The following DLGAP1 variants were observed in gnomAD, a reference collection of about 807,000 sequenced individuals.
DLGAP1 encodes the protein disks large-associated protein 1.
DLGAP1 carries 11 observed loss-of-function variants against 90.8 expected under a neutral mutation model. The ratio of observed to expected loss-of-function variants is 0.12; its 90% CI spans 0.08 to 0.20. The LOEUF (loss-of-function observed/expected upper bound fraction) is 0.20. DLGAP1 is among the 10% of genes least tolerant of loss of function. The probability of loss-of-function intolerance (pLI) is 1.00; values close to 1 mark genes in which losing one functional copy is unlikely to be tolerated. For synonymous variants in DLGAP1, 558 were observed against 540.7 expected, an observed-to-expected ratio of 1.03 and a Z score of -0.44; for missense variants, 1,050 against 1,333.8, an observed-to-expected ratio of 0.79 and a Z score of 3.31.
At chr18:3,648,589 A>G (rs951059633) in intron 7 of DLGAP1, among the ~76,000 whole-genome samples, 21 of 152,240 alleles carry the variant, frequency 1.4e-4, no homozygotes, top group Admixed American at 6.5e-4. Flanking sequence ...CGGGCTTGAA[A>G]TACTAGAAGT....
intron 1 of DLGAP1, among the ~76,000 whole-genome samples, chr18:4,286,861 G>A (rs2079708027): frequency 6.6e-6 from 1 of 152,110 alleles, no homozygotes; most frequent in Non-Finnish European, 1.5e-5. Context: ...GGGGTTGAGG[G>A]CTGAAATACA....
At chr18:3,626,494 T>A (rs2058299376) in intron 7 of DLGAP1, among the ~76,000 whole-genome samples, 1 of 149,886 alleles carries the variant, frequency 6.7e-6, no homozygotes, top group South Asian at 2.1e-4. Context: ...CTCAGGAGGC[T>A]GAGGTGGGAG....
At chr18:3,696,927 G>A (rs1332852682) in intron 7 of DLGAP1, among the ~76,000 whole-genome samples, 3 of 152,108 alleles carry the variant, frequency 2.0e-5, no homozygotes, top group Admixed American at 2.0e-4. Context: ...AGTCTTGGGA[G>A]GATGTATGTG....
At chr18:3,703,653 G>A (rs765895484) in intron 7 of DLGAP1, among the ~76,000 whole-genome samples, 1 of 152,080 alleles carries the variant, frequency 6.6e-6, no homozygotes, top group Non-Finnish European at 1.5e-5. Context: ...TTCTCTTTTC[G>A]TTCTTTTTTG....
At chr18:3,577,150 C>T (rs564740884) in intron 8 of DLGAP1, among the ~76,000 whole-genome samples, 8 of 152,268 alleles carry the variant, frequency 5.3e-5, no homozygotes, top group South Asian at 2.1e-4. Flanking sequence ...GGTGCGCCAC[C>T]GTGCCTGGCC....
intron 2 of DLGAP1, among the ~76,000 whole-genome samples, chr18:4,012,892 A>G (rs1442677176): frequency 6.6e-6 from 1 of 151,962 alleles, no homozygotes; most frequent in Non-Finnish European, 1.5e-5. Context: ...TTATAGAGAC[A>G]GGGGGTCTCA....
chr18:4,361,983 T>C (rs1263185568), intron 1 of DLGAP1, among the ~76,000 whole-genome samples: 1 of 152,144 alleles, frequency 6.6e-6, no homozygotes, highest in Admixed American at 6.5e-5. Context: ...CATGAAAAGA[T>C]GGTCAACATC....
At chr18:3,690,920 T>C (rs1318589269) in intron 7 of DLGAP1, among the ~76,000 whole-genome samples, 1 of 152,178 alleles carries the variant, frequency 6.6e-6, no homozygotes, top group Non-Finnish European at 1.5e-5. Flanking sequence ...AAATATAACT[T>C]CTAATCATGT....
At chr18:3,780,597 T>C (rs1299536556) in intron 5 of DLGAP1, among the ~76,000 whole-genome samples, 4 of 152,218 alleles carry the variant, frequency 2.6e-5, no homozygotes, top group Non-Finnish European at 5.9e-5. Context: ...AACTGGATCA[T>C]TCCAGATAAT....
chr18:4,061,534 T>C (rs2075298756), intron 2 of DLGAP1, among the ~76,000 whole-genome samples: 1 of 152,192 alleles, frequency 6.6e-6, no homozygotes, highest in Non-Finnish European at 1.5e-5. Context: ...ATAAAAGGTT[T>C]ATAAAAATCT....
intron 1 of DLGAP1, among the ~76,000 whole-genome samples, chr18:4,411,570 T>C (rs1012903107): frequency 6.6e-6 from 1 of 152,198 alleles, no homozygotes; most frequent in African/African-American, 2.4e-5. Context: ...AACTTTGTCT[T>C]AAAATAATGC....
chr18:3,903,457 T>A (rs2071828878), intron 3 of DLGAP1, among the ~76,000 whole-genome samples: 2 of 152,236 alleles, frequency 1.3e-5, no homozygotes, highest in South Asian at 4.1e-4. Context: ...ACAAGCATAA[T>A]GTATGGACAC....
At chr18:3,971,354 T>C (rs1434958283) in intron 3 of DLGAP1, among the ~76,000 whole-genome samples, 1 of 152,210 alleles carries the variant, frequency 6.6e-6, no homozygotes, top group Non-Finnish European at 1.5e-5. Context: ...TTTTTTTGAC[T>C]GCTACCGATG....
intron 1 of DLGAP1, among the ~76,000 whole-genome samples, chr18:4,222,364 G>A (rs571704171): frequency 6.6e-6 from 1 of 152,122 alleles, no homozygotes; most frequent in Non-Finnish European, 1.5e-5. Context: ...GGCAGAGCCC[G>A]TGCCCATTTT....
At chr18:3,840,047 C>T (rs1286460315) in intron 4 of DLGAP1, among the ~76,000 whole-genome samples, 1 of 152,236 alleles carries the variant, frequency 6.6e-6, no homozygotes, top group East Asian at 1.9e-4. Context: ...TCCTCTAGCG[C>T]CAGCGTTGCA....
intron 2 of DLGAP1, among the ~76,000 whole-genome samples, chr18:4,067,783 T>C (rs12607233): frequency 0.44 from 66,399 of 151,788 alleles, 15,596 homozygotes; most frequent in African/African-American, 0.61. Context: ...TTGAATCCAC[T>C]TATGACCTAG....
intron 2 of DLGAP1, among the ~76,000 whole-genome samples, chr18:4,104,893 TG>T (rs1367443788): frequency 6.6e-6 from 1 of 152,242 alleles, no homozygotes; most frequent in Admixed American, 6.5e-5. Context: ...TAAGTTTGTC[TG>T]ATCTTCCTGT....
chr18:3,531,999 C>A (rs190138517), intron 10 of DLGAP1, among the ~76,000 whole-genome samples: 8 of 152,072 alleles, frequency 5.3e-5, no homozygotes, highest in Non-Finnish European at 7.4e-5. Flanking sequence ...GGATTACAGG[C>A]GTGTGCCATT....
intron 6 of DLGAP1, among the ~76,000 whole-genome samples, chr18:3,732,498 CTTTA>C (rs2062474690): frequency 6.6e-6 from 1 of 152,098 alleles, no homozygotes; most frequent in Non-Finnish European, 1.5e-5. Context: ...GATTTGTCTT[CTTTA>C]TTTACTAATT....
Sources: gnomAD v4.1 joint callset for allele counts (sites outside exome capture counted in the v4.1 genomes callset) on GRCh38, gnomAD v4.1.1 for gene constraint, MANE v1.5 for transcripts, NCBI Gene and HGNC (gene_info 2026-07-23, HGNC 2026-07-21) for gene names.